CHST9: variants seen among roughly 807,000 people sequenced by gnomAD.
CHST9 encodes the protein carbohydrate sulfotransferase 9, also known as GalNAc-4-sulfotransferase 2.
CHST9 carries 41 observed loss-of-function variants against 44.4 expected under a neutral mutation model. The ratio of observed to expected loss-of-function variants is 0.92; its 90% confidence interval spans 0.72 to 1.20. The LOEUF (loss-of-function observed/expected upper bound fraction) is 1.20, where lower values mean the gene tolerates loss of function less well. CHST9 is among the 50% of genes most tolerant of loss of function. The probability of loss-of-function intolerance (pLI) is 0.00; values close to 1 mark genes in which losing one functional copy is unlikely to be tolerated. For missense variants in CHST9, 504 were observed against 516.5 expected (o/e 0.98, Z 0.23); for synonymous variants, 171 against 178.4 (o/e 0.96, Z 0.33).
chr18:27,071,624 T>C (rs9956993), intron 2 of CHST9, among the ~76,000 whole-genome samples: 47,440 of 152,050 alleles, frequency 0.31, 7,561 homozygotes, highest in South Asian at 0.43. Context: ...AGACTTTTTT[T>C]CTCAATTCAA....
rs75943717 is a variant in CHST9 at position 27,134,539 on chromosome 18, T to C, written c.121+8150A>G. Among the ~76,000 whole-genome samples, 1,068 of 152,250 alleles carry C rather than the reference T, an allele frequency of 7.0e-3. 9 individuals carry two copies. Among genetic ancestry groups the C allele is most frequent in the Non-Finnish European group, 0.011 (731 of 68,014 alleles). On this transcript the variant is annotated intron_variant, in intron 2 of 5. Coordinates refer to ENST00000618847, the MANE Select transcript of CHST9 (RefSeq NM_031422.6). ...GGCCAACTTGCCACTGCTAGTAGCA[T>C]GTAGGATTTGAATAGAACCTCGACC...
At chr18:26,978,036 A>C (rs750004677) in intron 4 of CHST9, among the ~76,000 whole-genome samples, 1 of 152,122 alleles carries the variant, frequency 6.6e-6, no homozygotes, top group Non-Finnish European at 1.5e-5. Context: ...GTGCATGTGT[A>C]AGAAATAAGA....
At chr18:26,935,550 G>A (rs1486518979) in intron 5 of CHST9, 1 of 152,148 alleles carries the variant, frequency 6.6e-6, no homozygotes, top group Non-Finnish European at 1.5e-5. Context: ...GAAAATGAGA[G>A]AATTCTGATT....
At chr18:27,053,250 A>AAGG (rs1568151109) in intron 2 of CHST9, among the ~76,000 whole-genome samples, 9 of 87,292 alleles carry the variant, frequency 1.0e-4, no homozygotes, top group African/African-American at 3.2e-4. Flanking sequence ...GAAGAAGAAG[A>AAGG]AGAAGAAGAA....
chr18:27,007,759 T>C (rs1367187541), intron 4 of CHST9, among the ~76,000 whole-genome samples: 1 of 152,004 alleles, frequency 6.6e-6, no homozygotes, highest in African/African-American at 2.4e-5. Flanking sequence ...AGATCAACCA[T>C]TCGCAAGTGC....
At chr18:26,964,364 A>G (rs148056562) in intron 4 of CHST9, among the ~76,000 whole-genome samples, 1,975 of 152,330 alleles carry the variant, frequency 0.013, 46 homozygotes, top group African/African-American at 0.045. Flanking sequence ...ATTTCTCTCC[A>G]GAAACAAATA....
chr18:27,090,928 G>A (rs2058062171), intron 2 of CHST9, among the ~76,000 whole-genome samples: 1 of 152,124 alleles, frequency 6.6e-6, no homozygotes, highest in South Asian at 2.1e-4. Flanking sequence ...TGCAATGCAG[G>A]CTCTTTTTTG....
At chr18:27,153,581 T>A (rs1410642800) in intron 1 of CHST9, among the ~76,000 whole-genome samples, 2 of 151,896 alleles carry the variant, frequency 1.3e-5, no homozygotes, top group African/African-American at 4.8e-5. Context: ...TGTGTGTGTG[T>A]GTGTGTGTGC....
At chr18:26,994,029 G>A (rs2056856225) in intron 4 of CHST9, among the ~76,000 whole-genome samples, 1 of 152,152 alleles carries the variant, frequency 6.6e-6, no homozygotes, top group Admixed American at 6.5e-5. Flanking sequence ...CAGATTTGAT[G>A]TCTCTCTTTG....
intron 3 of CHST9, among the ~76,000 whole-genome samples, chr18:27,031,636 T>A (rs2057341723): frequency 6.6e-6 from 1 of 152,204 alleles, no homozygotes; most frequent in African/African-American, 2.4e-5. Context: ...ACCTTGCTTT[T>A]TCCTTTCACT....
intron 4 of CHST9, among the ~76,000 whole-genome samples, chr18:26,980,542 G>C (rs1040493904): frequency 3.3e-5 from 5 of 152,118 alleles, no homozygotes; most frequent in African/African-American, 1.2e-4. Flanking sequence ...TCACACACTG[G>C]AGTCAGGAAG....
rs561051865 is a variant in CHST9 at position 26,908,827 on chromosome 18, G to A, written c.*7432C>T. 6.6e-6 allele frequency: 1 copy of A among 152,310 alleles called. No individual in the cohort carries two copies. The highest frequency in any genetic ancestry group is 6.5e-5 in the Admixed American group (1 of 15,296). The allele number at this position is 152,310 out of a possible 1,614,324, so 9.4% of individuals were successfully genotyped here. On this transcript the variant is annotated 3_prime_UTR_variant, in exon 6 of 6. Coordinates refer to ENST00000618847, the MANE Select transcript of CHST9 (RefSeq NM_031422.6). Reference sequence around the variant, plus strand: ...ACATTATAACCATTTAAGTTAAATTGCAAAATATTTCCTGGGGCACTTGCT... The same window carrying A: ...ACATTATAACCATTTAAGTTAAATTACAAAATATTTCCTGGGGCACTTGCT...
intron 4 of CHST9, among the ~76,000 whole-genome samples, chr18:26,950,491 A>G (rs1244484035): frequency 1.3e-5 from 2 of 152,198 alleles, no homozygotes; most frequent in African/African-American, 4.8e-5. Flanking sequence ...TCAACCAGTA[A>G]GTGGATAAAG....
chr18:27,180,776 C>T (rs908370785), intron 1 of CHST9, among the ~76,000 whole-genome samples: 1 of 152,080 alleles, frequency 6.6e-6, no homozygotes, highest in African/African-American at 2.4e-5. Flanking sequence ...AGATTCTTTC[C>T]AGCTCTATTA....
At chr18:26,947,315 CTGTT>C (rs1443373567) in intron 4 of CHST9, among the ~76,000 whole-genome samples, 1 of 152,140 alleles carries the variant, frequency 6.6e-6, no homozygotes, top group African/African-American at 2.4e-5. Context: ...ATTTGGCTCT[CTGTT>C]TGTCTATTAT....
intron 4 of CHST9, among the ~76,000 whole-genome samples, chr18:27,000,777 A>C (rs2056943214): frequency 6.6e-6 from 1 of 152,150 alleles, no homozygotes; most frequent in African/African-American, 2.4e-5. Flanking sequence ...AAGATAAAGA[A>C]TACACACAAA....
intron 4 of CHST9, among the ~76,000 whole-genome samples, chr18:27,021,758 A>G (rs1461946385): frequency 2.0e-5 from 3 of 152,214 alleles, no homozygotes; most frequent in Non-Finnish European, 4.4e-5. Context: ...TGGATACCAT[A>G]TCTTTAATGC....
chr18:27,036,457 G>A (rs564440811), intron 3 of CHST9, among the ~76,000 whole-genome samples: 10 of 152,106 alleles, frequency 6.6e-5, no homozygotes, highest in Non-Finnish European at 1.0e-4. Flanking sequence ...TACATTACAG[G>A]GTTTCTATAG....
chr18:26,955,055 T>C (rs2056302806), intron 4 of CHST9, among the ~76,000 whole-genome samples: 1 of 152,040 alleles, frequency 6.6e-6, no homozygotes, highest in East Asian at 1.9e-4. Flanking sequence ...AAAGGGTACA[T>C]GGGTTAAAAA....
Sources: allele counts gnomAD v4.1 joint callset (sites outside exome capture counted in the v4.1 genomes callset), GRCh38; gene constraint gnomAD v4.1.1; transcripts MANE v1.5; gene names NCBI Gene and HGNC (gene_info 2026-07-23, HGNC 2026-07-21).